The following FAP variants were observed in gnomAD, a reference collection of about 807,000 sequenced individuals.
The protein encoded by FAP is fibroblast activation protein alpha.
Under a neutral mutation model 126.5 loss-of-function variants are expected in FAP, and 110 were observed. The observed-to-expected ratio is 0.87, with a 90% CI of 0.74 to 1.02. The LOEUF is 1.02. Among genes scored for constraint, FAP ranks in the 50% least tolerant of loss-of-function variants. The pLI, the probability that FAP is intolerant of heterozygous loss-of-function variation, is 0.00. For missense variants in FAP, 919 were observed against 909.2 expected (o/e 1.01, Z -0.14); for synonymous variants, 334 against 297.3 (o/e 1.12, Z -1.27).
At chr2:162,226,988 T>C (rs894412667) in intron 2 of FAP, among the ~76,000 whole-genome samples, 1 of 152,122 alleles carries the variant, frequency 6.6e-6, no homozygotes, top group Admixed American at 6.6e-5. Context: ...ACAACTCTAG[T>C]CCTTGCAGAG....
intron 21 of FAP, among the ~76,000 whole-genome samples, chr2:162,181,722 C>G (rs1687700873): frequency 6.6e-6 from 1 of 152,122 alleles, no homozygotes; most frequent in Non-Finnish European, 1.5e-5. Flanking sequence ...GTCTGTTTCC[C>G]CCACAAGAGG....
chr2:162,233,961 A>G (rs530593779), intron 2 of FAP, among the ~76,000 whole-genome samples: 1 of 152,270 alleles, frequency 6.6e-6, no homozygotes, highest in African/African-American at 2.4e-5. Flanking sequence ...TCATTTGTTG[A>G]AAAGACTTTT....
At chr2:162,193,641 A>G (rs1276070673) in intron 17 of FAP, 1 of 152,194 alleles carries the variant, frequency 6.6e-6, no homozygotes, top group Non-Finnish European at 1.5e-5. Flanking sequence ...TAAGAAATAT[A>G]ATCTGTTATT....
chr2:162,205,565 T>A (rs909299841), intron 12 of FAP, among the ~76,000 whole-genome samples: 1 of 152,062 alleles, frequency 6.6e-6, no homozygotes, highest in African/African-American at 2.4e-5. Flanking sequence ...CAGGCTGGAG[T>A]GCAAATAGCG....
At chr2:162,210,064 C>T in intron 11 of FAP, 68 bp from the exon 12 acceptor site, 3 of 1,357,370 alleles carry the variant, frequency 2.2e-6, no homozygotes, top group South Asian at 1.2e-5. Context: ...GTAATCTGGA[C>T]ATTTGGAAAC....
At chr2:162,184,358 T>C (rs1364062967) in intron 20 of FAP, among the ~76,000 whole-genome samples, 1 of 152,190 alleles carries the variant, frequency 6.6e-6, no homozygotes, top group Non-Finnish European at 1.5e-5. Context: ...AAAAATACTA[T>C]CTTCTTGTTC....
intron 12 of FAP, among the ~76,000 whole-genome samples, chr2:162,205,637 C>T (rs1377828410): frequency 1.3e-5 from 2 of 152,104 alleles, no homozygotes; most frequent in Non-Finnish European, 2.9e-5. Flanking sequence ...CCTCAGCCTC[C>T]CAAGTAGCTG....
intron 17 of FAP, 130 bp downstream of exon 17, chr2:162,194,571 G>T (rs1688171730): frequency 2.7e-6 from 2 of 745,014 alleles, no homozygotes; most frequent in East Asian, 5.2e-5. Context: ...AATAATAAGT[G>T]ATGTGATAAC....
intron 10 of FAP, among the ~76,000 whole-genome samples, chr2:162,214,372 C>A (rs1689086380): frequency 6.6e-6 from 1 of 151,910 alleles, no homozygotes; most frequent in South Asian, 2.1e-4. Flanking sequence ...AGCTACTGAT[C>A]AATCTAGAGG....
intron 21 of FAP, among the ~76,000 whole-genome samples, chr2:162,181,557 C>T (rs1471844448): frequency 6.6e-6 from 1 of 152,172 alleles, no homozygotes; most frequent in Non-Finnish European, 1.5e-5. Flanking sequence ...TGCTCCGTTC[C>T]TCAGCTATCT....
intron 12 of FAP, among the ~76,000 whole-genome samples, chr2:162,203,478 G>T (rs376925027): frequency 6.6e-6 from 1 of 152,164 alleles, no homozygotes. Context: ...GATATTTAAC[G>T]AAACCAAACC....
chr2:162,234,846 G>A (rs1690042101), intron 2 of FAP, among the ~76,000 whole-genome samples: 1 of 152,262 alleles, frequency 6.6e-6, no homozygotes, highest in South Asian at 2.1e-4. Context: ...TTGGCTTGCG[G>A]GGAGGTGTGG....
chr2:162,181,955 C>G (rs1192285956), intron 21 of FAP, among the ~76,000 whole-genome samples: 1 of 152,146 alleles, frequency 6.6e-6, no homozygotes, highest in Non-Finnish European at 1.5e-5. Context: ...ACGTGGCAGC[C>G]CATTTCTTAC....
intron 20 of FAP, among the ~76,000 whole-genome samples, chr2:162,187,076 A>C (rs1687887003): frequency 6.6e-6 from 1 of 152,048 alleles, no homozygotes; most frequent in African/African-American, 2.4e-5. Context: ...TCCCAGAATG[A>C]AAGAAGCACT....
chr2:162,241,878 A>G (rs1275953229), intron 2 of FAP, among the ~76,000 whole-genome samples: 2 of 152,192 alleles, frequency 1.3e-5, no homozygotes, highest in African/African-American at 2.4e-5. Flanking sequence ...AACCTATTCT[A>G]TTTTGTAATT....
At chr2:162,234,843 G>T (rs1690041647) in intron 2 of FAP, among the ~76,000 whole-genome samples, 1 of 152,128 alleles carries the variant, frequency 6.6e-6, no homozygotes, top group Admixed American at 6.5e-5. Flanking sequence ...CCCTTGGCTT[G>T]CGGGGAGGTG....
chr2:162,239,217 A>G (rs1690254539), intron 2 of FAP, among the ~76,000 whole-genome samples: 1 of 151,460 alleles, frequency 6.6e-6, no homozygotes, highest in African/African-American at 2.4e-5. Flanking sequence ...TTTTTTTTTT[A>G]ATAGAGAAAG....
At chr2:162,173,040 C>T in intron 24 of FAP, 109 bp downstream of exon 24, 4 of 1,158,512 alleles carry the variant, frequency 3.5e-6, no homozygotes, top group Non-Finnish European at 5.2e-6. Flanking sequence ...ATGTCCCTGA[C>T]TCTTAGGTAC....
At chr2:162,195,465 C>T (rs1038579419) in intron 16 of FAP, among the ~76,000 whole-genome samples, 5 of 151,844 alleles carry the variant, frequency 3.3e-5, no homozygotes, top group African/African-American at 1.2e-4. Context: ...GAGCTTTACC[C>T]CCCTAGCATT....
Sources: gnomAD v4.1 joint callset for allele counts (sites outside exome capture counted in the v4.1 genomes callset) on GRCh38, gnomAD v4.1.1 for gene constraint, MANE v1.5 for transcripts, NCBI Gene and HGNC (gene_info 2026-07-23, HGNC 2026-07-21) for gene names.